The following DPH6 variants were observed in gnomAD, a reference collection of about 807,000 sequenced individuals.
DPH6 encodes the protein diphthine--ammonia ligase.
A neutral mutation model predicts 38.2 loss-of-function variants in DPH6; 33 were observed. The observed-to-expected ratio is 0.86, with a 90% CI of 0.65 to 1.15. The LOEUF is 1.15. DPH6 is among the 50% of genes most tolerant of loss of function. The pLI is 0.00. For missense variants in DPH6, 325 were observed against 320.0 expected (o/e 1.02, Z -0.12); for synonymous variants, 108 against 103.0 (o/e 1.05, Z -0.30).
chr15:35,525,228 C>A (rs1383136275), intron 3 of DPH6, among the ~76,000 whole-genome samples: 2 of 152,136 alleles, frequency 1.3e-5, no homozygotes, highest in Non-Finnish European at 2.9e-5. Context: ...AAGAGCAATG[C>A]CTTGATTACA....
downstream of DPH6, among the ~76,000 whole-genome samples, chr15:35,214,586 T>A (rs952286768): frequency 6.6e-6 from 1 of 152,186 alleles, no homozygotes; most frequent in Non-Finnish European, 1.5e-5. Flanking sequence ...CAAGCCACTA[T>A]CATTTTTCAT....
the DPH6 span, among the ~76,000 whole-genome samples, chr15:35,153,300 A>G: frequency 6.6e-6 from 1 of 152,204 alleles, no homozygotes; most frequent in East Asian, 1.9e-4. Context: ...ACATAAAAAC[A>G]TAAATTTACA....
In DPH6 at chr15:35,349,138, A is replaced by T. The variant is rs183940459; in HGVS notation, n.208-18061T>A. Among the ~76,000 whole-genome samples the T allele has an allele frequency of 1.8e-4, 27 of 152,030 alleles. No homozygotes were observed. In the East Asian group the frequency reaches 5.2e-3, roughly 29 times the overall value. On this transcript the variant is annotated intron_variant and non_coding_transcript_variant, in intron 3 of 3. Transcript: ENST00000558973. Reference sequence around the variant, plus strand: ...TTTTACTTCTTCCTTTCTGATTTAGATCTCTTTTATTTCTTTTTCTTGCCT... The same window carrying T: ...TTTTACTTCTTCCTTTCTGATTTAGTTCTCTTTTATTTCTTTTTCTTGCCT...
At chr15:35,234,235 A>T (rs889470505) in intron 3 of DPH6, among the ~76,000 whole-genome samples, 33 of 152,190 alleles carry the variant, frequency 2.2e-4, no homozygotes, top group African/African-American at 8.0e-4. Flanking sequence ...CATCTAATTT[A>T]AAAAACTGCA....
intron 3 of DPH6, among the ~76,000 whole-genome samples, chr15:35,335,080 TTAA>T (rs1379737497): frequency 2.6e-5 from 4 of 152,218 alleles, no homozygotes; most frequent in Non-Finnish European, 4.4e-5. Flanking sequence ...TTTTGACTTT[TTAA>T]TAATAACCAT....
the DPH6 span, among the ~76,000 whole-genome samples, chr15:35,200,637 A>G: frequency 1.3e-5 from 2 of 151,994 alleles, no homozygotes; most frequent in African/African-American, 2.4e-5. Context: ...TCCAGTTCTC[A>G]TTCTAATTAT....
intron 5 of DPH6, among the ~76,000 whole-genome samples, chr15:35,414,797 GT>G (rs1325689284): frequency 1.3e-5 from 2 of 149,740 alleles, no homozygotes; most frequent in East Asian, 2.0e-4. Context: ...GCCCACTGAA[GT>G]TTTTTTTCAT....
intron 3 of DPH6, among the ~76,000 whole-genome samples, chr15:35,317,993 G>GA (rs908577284): frequency 7.4e-5 from 11 of 149,234 alleles, no homozygotes; most frequent in East Asian, 2.0e-4. Context: ...TTGTAAAGAA[G>GA]AAAAAAAAAG....
At chr15:35,361,541 T>C (rs1046327085) in intron 3 of DPH6, among the ~76,000 whole-genome samples, 10 of 152,032 alleles carry the variant, frequency 6.6e-5, no homozygotes, top group East Asian at 1.9e-4. Flanking sequence ...TTATCCTTCT[T>C]GTACTCTCAT....
chr15:35,180,204 G>T, the DPH6 span, among the ~76,000 whole-genome samples: 1 of 151,936 alleles, frequency 6.6e-6, no homozygotes, highest in East Asian at 1.9e-4. Flanking sequence ...CTGAAAAAAA[G>T]TGATTAAAAA....
At chr15:35,251,238 A>C (rs1448426751) in intron 3 of DPH6, among the ~76,000 whole-genome samples, 1 of 152,174 alleles carries the variant, frequency 6.6e-6, no homozygotes, top group Non-Finnish European at 1.5e-5. Context: ...AGGGGATACA[A>C]GTGCAGGTTT....
At chr15:35,187,812 C>T in the DPH6 span, among the ~76,000 whole-genome samples, 2 of 151,966 alleles carry the variant, frequency 1.3e-5, no homozygotes, top group African/African-American at 4.8e-5. Context: ...ATAGAGAGAC[C>T]CTGTTTCTAA....
chr15:35,358,678 TC>T (rs2052588983), intron 3 of DPH6, among the ~76,000 whole-genome samples: 1 of 152,224 alleles, frequency 6.6e-6, no homozygotes, highest in Non-Finnish European at 1.5e-5. Flanking sequence ...ACACAGCAAG[TC>T]TACCTGGCTC....
intron 3 of DPH6, among the ~76,000 whole-genome samples, chr15:35,481,009 A>C (rs2054319753): frequency 6.6e-6 from 1 of 152,126 alleles, no homozygotes; most frequent in Non-Finnish European, 1.5e-5. Flanking sequence ...GAATTTGATC[A>C]AACTTCCAGA....
intron 3 of DPH6, among the ~76,000 whole-genome samples, chr15:35,501,890 C>T (rs567984885): frequency 3.3e-5 from 5 of 152,220 alleles, no homozygotes; most frequent in Non-Finnish European, 5.9e-5. Context: ...GAACTTAACT[C>T]ATCCAATTTA....
intron 3 of DPH6, among the ~76,000 whole-genome samples, chr15:35,496,565 A>AAAAAAAAAAAAAAAAAAAAAATAT (rs2054554520): frequency 5.0e-5 from 1 of 20,150 alleles, no homozygotes; most frequent in African/African-American, 1.8e-4. Context: ...CAAAAAAAAA[A>AAAAAAAAAAAAAAAAAAAAAATAT]AAATATATAT....
chr15:35,425,849 T>G (rs2053564133), intron 5 of DPH6, among the ~76,000 whole-genome samples: 1 of 149,706 alleles, frequency 6.7e-6, no homozygotes, highest in African/African-American at 2.4e-5. Context: ...TCCATATATA[T>G]CCTATCCATA....
intron 3 of DPH6, among the ~76,000 whole-genome samples, chr15:35,334,417 CA>C (rs1456087899): frequency 1.3e-5 from 2 of 151,808 alleles, no homozygotes; most frequent in South Asian, 2.1e-4. Flanking sequence ...ATTTTAAGTT[CA>C]GGGGTAAATG....
chr15:35,243,358 A>T (rs2051614085), intron 3 of DPH6, among the ~76,000 whole-genome samples: 1 of 142,156 alleles, frequency 7.0e-6, no homozygotes, highest in African/African-American at 2.6e-5. Flanking sequence ...CCAACACTTC[A>T]ACACTATTTT....
Sources: allele counts gnomAD v4.1 joint callset (sites outside exome capture counted in the v4.1 genomes callset), GRCh38; gene constraint gnomAD v4.1.1; transcripts MANE v1.5; gene names NCBI Gene and HGNC (gene_info 2026-07-23, HGNC 2026-07-21).